SYNGR3: variants seen among roughly 807,000 people sequenced by gnomAD.
SYNGR3 encodes synaptogyrin-3.
Under a neutral mutation model 18.5 loss-of-function variants are expected in SYNGR3, and 10 were observed. The observed-to-expected ratio is 0.54, with a 90% confidence interval of 0.33 to 0.92. The LOEUF (loss-of-function observed/expected upper bound fraction) is 0.92, where lower values mean the gene tolerates loss of function less well. SYNGR3 is among the 40% of genes least tolerant of loss of function. The pLI is 0.02. For synonymous variants in SYNGR3, 188 were observed against 157.2 expected (o/e 1.20, Z -1.47); for missense variants, 335 against 332.8 (o/e 1.01, Z -0.05).
chr16:1,993,035 A>G lies in SYNGR3; in HGVS notation c.653A>G (p.Asp218Gly). 6.2e-7 allele frequency: 1 copy of G among 1,611,452 alleles called. No individual in the cohort carries two copies. ...AGCCCGCCCTTCACCGAGACCCTGG[A>G]CACCAGCCCCAAAGGGTACCAGGTG... ...YQSPPFTETL[D>G]TSPKGYQVPA... is the part of the protein sequence containing the mutation. Residue 218 changes from aspartate (D) to glycine (G), a missense_variant, in exon 4 of 4, where the codon GAC becomes GGC. Physicochemically the swap from Asp to Gly is moderately conservative, Grantham distance 94. Transcript: ENST00000248121.
Position 1,992,781 on chromosome 16 carries a change from G to A in SYNGR3, c.480+3G>A. 3 of 1,552,858 alleles carry A rather than the reference G, an allele frequency of 1.9e-6. No homozygotes were observed. The highest frequency in any genetic ancestry group is 1.4e-5 in the African/African-American group (1 of 71,984). On this transcript the variant is annotated splice_donor_region_variant and intron_variant, in intron 3 of 3. Coordinates refer to ENST00000248121, the MANE Select transcript of SYNGR3 (RefSeq NM_004209.6). ...GCTTCTTCTCCATCCTCAGCTGGGT[G>A]AGTGCGGGGCCCGGGAGGGCGGGGC...
At chr16:1,992,479 C>T in intron 2 of SYNGR3, 157 bp from the exon 3 acceptor site, 1 of 1,070,136 alleles carries the variant, frequency 9.3e-7, no homozygotes, top group Non-Finnish European at 1.3e-6. Context: ...CCCGGGTGGG[C>T]GGGGTCAGCG....
chr16:1,991,434 C>G (rs1225136866), intron 1 of SYNGR3: 1 of 154,586 alleles, frequency 6.5e-6, no homozygotes, highest in Non-Finnish European at 1.4e-5. Context: ...TCCGCTGCCT[C>G]CATACCCTCC....
chr16:1,991,125 C>T (rs920696634), intron 1 of SYNGR3: 2 of 152,388 alleles, frequency 1.3e-5, no homozygotes, highest in South Asian at 2.0e-4. Context: ...AGGGCTGCCC[C>T]GTGCAGCGCT....
intron 2 of SYNGR3, 45 bp from the exon 3 acceptor site, chr16:1,992,591 G>T: frequency 6.4e-7 from 1 of 1,570,596 alleles, no homozygotes; most frequent in Non-Finnish European, 8.6e-7. Flanking sequence ...GGCCGCCGTG[G>T]GCCACCGCGT....
At position 1,990,035 on chromosome 16, in the gene SYNGR3, G is replaced by A. The variant is rs1567337279; in HGVS notation, c.-68G>A. The A allele has an allele frequency of 4.9e-6, 3 of 618,138 alleles. No homozygotes were observed. Among genetic ancestry groups the A allele is most frequent in the South Asian group, 1.6e-4 (2 of 12,816 alleles). The allele number at this position is 618,138 out of a possible 1,614,324, so 38.3% of individuals were successfully genotyped here. ...CATCAGCGGCAGCGGCAGCGGCCTC[G>A]GGCGGGGCCGGCCGGACGGACAGGC... On this transcript the variant is annotated 5_prime_UTR_variant, in exon 1 of 4. Transcript: ENST00000248121.
Position 1,993,335 on chromosome 16 carries a change from T to C in SYNGR3, c.*263T>C. 1.6e-6 allele frequency: 1 copy of C among 629,628 alleles called. No homozygotes were observed. Among genetic ancestry groups the C allele is most frequent in the East Asian group, 2.9e-5 (1 of 34,474 alleles). 39.0% of individuals were successfully genotyped at this position (629,628 alleles called of 1,614,324 possible). ...CAGGACGTGTGTCCCTAGCCTGGAATGGACTGGCCTGGGGAAGGCTTTCCC... is the reference window on the plus strand; with the variant it reads ...CAGGACGTGTGTCCCTAGCCTGGAACGGACTGGCCTGGGGAAGGCTTTCCC... On this transcript the variant is annotated 3_prime_UTR_variant, in exon 4 of 4. Coordinates refer to ENST00000248121, the MANE Select transcript of SYNGR3 (RefSeq NM_004209.6).
At position 1,993,113 on chromosome 16, in the gene SYNGR3, C is replaced by G; in HGVS notation, c.*41C>G. The G allele has an allele frequency of 6.4e-7, 1 of 1,574,036 alleles. No individual in the cohort carries two copies. The highest frequency in any genetic ancestry group is 8.6e-7 in the Non-Finnish European group (1 of 1,161,202). ...GACCAGGGCTCCAAGGCCACCCCAC[C>G]AACGCAGGCCCCAGGGTCTCCGGGA... On this transcript the variant is annotated 3_prime_UTR_variant, in exon 4 of 4. Coordinates refer to ENST00000248121, the MANE Select transcript of SYNGR3 (RefSeq NM_004209.6).
At chr16:1,990,510 T>TTTTTCCTG in intron 1 of SYNGR3, 1 of 506,494 alleles carries the variant, frequency 2.0e-6, no homozygotes, top group Non-Finnish European at 3.8e-6. Context: ...CCTTACTCCG[T>TTTTTCCTG]TTTTCCTGTT....
At chr16:1,992,442 G>A in intron 2 of SYNGR3, 194 bp from the exon 3 acceptor site, 1 of 893,608 alleles carries the variant, frequency 1.1e-6, no homozygotes, top group Admixed American at 4.0e-5. Context: ...TCTGGGCGGA[G>A]CCTGGGCGCG....
chr16:1,992,221 G>A lies in SYNGR3; in HGVS notation c.337+10G>A. 8 of 1,356,374 alleles carry A rather than the reference G, an allele frequency of 5.9e-6. No individual in the cohort carries two copies. Among genetic ancestry groups the A allele is most frequent in the Non-Finnish European group, 7.6e-6 (8 of 1,057,808 alleles). 84.0% of individuals were successfully genotyped at this position (1,356,374 alleles called of 1,614,324 possible). A position where few individuals can be genotyped will look rare whatever the true frequency, so the allele number is the denominator to read the frequency against. On this transcript the variant is annotated intron_variant, in intron 2 of 3. Transcript: ENST00000248121. ...GACCTGGGCTTCTCAGGTGGGCGGGGCCGGGGCGGTGAGCGCGGAGAGCCT... is the reference window on the plus strand; with the variant it reads ...GACCTGGGCTTCTCAGGTGGGCGGGACCGGGGCGGTGAGCGCGGAGAGCCT...
In SYNGR3 at chr16:1,993,791, G is replaced by A; in HGVS notation, c.*719G>A. On this transcript the variant is annotated 3_prime_UTR_variant, in exon 4 of 4. Transcript: ENST00000248121. ...GCCCTTCAGTAAGACCTTGCCAGGA[G>A]AGGAGAAGGATGCCTGGGTGCCAGG... 2.9e-6 allele frequency: 1 copy of A among 346,668 alleles called. No homozygotes were observed. The highest frequency in any genetic ancestry group is 5.7e-6 in the Non-Finnish European group (1 of 174,498). The allele number at this position is 346,668 out of a possible 1,614,324, so 21.5% of individuals were successfully genotyped here. A position where few individuals can be genotyped will look rare whatever the true frequency, so the allele number is the denominator to read the frequency against.
chr16:1,992,520 C>A, intron 2 of SYNGR3, 116 bp from the exon 3 acceptor site: 1 of 1,338,240 alleles, frequency 7.5e-7, no homozygotes. Flanking sequence ...TCGCGCCACG[C>A]GGCGAGCCCA....
intron 1 of SYNGR3, chr16:1,990,431 G>T: frequency 2.1e-6 from 1 of 483,222 alleles, no homozygotes; most frequent in Non-Finnish European, 3.8e-6. Flanking sequence ...GAGGGACCTT[G>T]AGAGGTCACC....
At chr16:1,991,926 C>T in intron 1 of SYNGR3, 48 bp from the exon 2 acceptor site, 1 of 1,516,672 alleles carries the variant, frequency 6.6e-7, no homozygotes, top group Non-Finnish European at 8.9e-7. Context: ...GAGGCGGGCT[C>T]GCAGAGGTCG....
rs1413854707 is a variant in SYNGR3 at position 1,993,559 on chromosome 16, TC to T, written c.*489del. 1 of 459,628 alleles carries T rather than the reference TC, an allele frequency of 2.2e-6. No homozygotes were observed. The highest frequency in any genetic ancestry group is 1.5e-5 in the South Asian group (1 of 64,592). 28.5% of individuals were successfully genotyped at this position (459,628 alleles called of 1,614,324 possible). On this transcript the variant is annotated 3_prime_UTR_variant, in exon 4 of 4. Transcript: ENST00000248121. Reference sequence around the variant, plus strand: ...GTTTCTGTCATGGTGGTGCGTCCCGTCCGGAGCCACTCTCCACTTTCTCTCA... The same window carrying T: ...GTTTCTGTCATGGTGGTGCGTCCCGTCGGAGCCACTCTCCACTTTCTCTCA...
rs1245842181 is a variant in SYNGR3 at position 1,993,240 on chromosome 16, C to T, written c.*168C>T. On this transcript the variant is annotated 3_prime_UTR_variant, in exon 4 of 4. Transcript: ENST00000248121. ...GTGGACCCGCGTGTCTGGGCTGCCC[C>T]TGCCAAGTTCCCCCAGTCCCTCAGC... 7 of 821,062 alleles carry T rather than the reference C, an allele frequency of 8.5e-6. No homozygotes were observed. The highest frequency in any genetic ancestry group is 1.1e-5 in the Non-Finnish European group (6 of 529,484). The allele number at this position is 821,062 out of a possible 1,614,324, so 50.9% of individuals were successfully genotyped here. A position where few individuals can be genotyped will look rare whatever the true frequency, so the allele number is the denominator to read the frequency against.
intron 1 of SYNGR3, 141 bp downstream of exon 1, chr16:1,990,342 C>G (rs2083596183): frequency 2.3e-6 from 1 of 439,918 alleles, no homozygotes; most frequent in East Asian, 4.0e-5. Context: ...GGCCCCTCCC[C>G]CGCCGGCCTC....
In SYNGR3 at chr16:1,992,182, G is replaced by A; in HGVS notation, c.308G>A (p.Arg103His). 2.1e-6 allele frequency: 3 copies of A among 1,443,848 alleles called. No homozygotes were observed. Among genetic ancestry groups the A allele is most frequent in the Non-Finnish European group, 2.7e-6 (3 of 1,099,176 alleles). The allele number at this position is 1,443,848 out of a possible 1,614,324, so 89.4% of individuals were successfully genotyped here. A position where few individuals can be genotyped will look rare whatever the true frequency, so the allele number is the denominator to read the frequency against. The change falls in exon 2 of 4, where the codon CGC becomes CAC. Residue 103 changes from arginine (R) to histidine (H), a missense_variant. Arg to His is a conservative substitution (Grantham distance 29). Coordinates refer to ENST00000248121, the MANE Select transcript of SYNGR3 (RefSeq NM_004209.6). ...ATCAGCAGCGTCCGCGACCGCCGGC[G>A]CGCGGTGTTGCTGGACCTGGGCTTC... ...QQISSVRDRR[R>H]AVLLDLGFSG...
Sources: allele counts gnomAD v4.1 joint callset, GRCh38; gene constraint gnomAD v4.1.1; transcripts MANE v1.5; gene names NCBI Gene and HGNC (gene_info 2026-07-23, HGNC 2026-07-21).